DLG2: variants seen among roughly 807,000 people sequenced by gnomAD.
The protein encoded by DLG2 is discs large MAGUK scaffold protein 2.
DLG2 carries 45 observed loss-of-function variants against 132.5 expected under a neutral mutation model. That is an observed-to-expected ratio of 0.34 (90% CI 0.27 to 0.44). The LOEUF (loss-of-function observed/expected upper bound fraction) is 0.44, where lower values mean the gene tolerates loss of function less well. Among genes scored for constraint, DLG2 ranks in the 20% least tolerant of loss-of-function variants. The pLI is 1.00. For synonymous variants in DLG2, 424 were observed against 419.6 expected, an observed-to-expected ratio of 1.01 and a Z score of -0.13; for missense variants, 1,045 against 1,196.9, an observed-to-expected ratio of 0.87 and a Z score of 1.87.
intron 5 of DLG2, among the ~76,000 whole-genome samples, chr11:85,123,690 C>T (rs1376156285): frequency 6.6e-6 from 1 of 152,182 alleles, no homozygotes; most frequent in African/African-American, 2.4e-5. Context: ...TCCAAGAACT[C>T]ATTCATTTAC....
chr11:83,511,031 G>A (rs199906834), intron 21 of DLG2, among the ~76,000 whole-genome samples: 8 of 129,904 alleles, frequency 6.2e-5, no homozygotes, highest in Non-Finnish European at 6.4e-5. Context: ...TACGTTTTGA[G>A]AAAAAAAAAA....
intron 3 of DLG2, among the ~76,000 whole-genome samples, chr11:85,542,510 A>C (rs1161887812): frequency 1.3e-5 from 2 of 152,222 alleles, no homozygotes; most frequent in African/African-American, 4.8e-5. Context: ...CATCTTTTAA[A>C]GTATTAATAG....
intron 15 of DLG2, among the ~76,000 whole-genome samples, chr11:83,909,012 A>G (rs1000607983): frequency 5.9e-5 from 9 of 152,170 alleles, no homozygotes; most frequent in African/African-American, 1.9e-4. Flanking sequence ...GATCACAGGC[A>G]TGAGCTATCA....
rs141739674 is a variant in DLG2 at position 85,603,398 on chromosome 11, T to C, written c.-92-4610A>G. Among the ~76,000 whole-genome samples, 813 of 152,296 alleles carry C rather than the reference T, an allele frequency of 5.3e-3. 9 individuals are homozygous for C. Among genetic ancestry groups the C allele is most frequent in the African/African-American group, 0.018 (754 of 41,546 alleles). ...TACTATACCTCTCTCTCTACTTATA[T>C]GTATCTGTGGGCTCTAATCACGTGA... On this transcript the variant is annotated intron_variant, in intron 2 of 27. Transcript: ENST00000376104.
chr11:84,843,810 G>A (rs951482710), intron 6 of DLG2, among the ~76,000 whole-genome samples: 1 of 151,408 alleles, frequency 6.6e-6, no homozygotes, highest in African/African-American at 2.4e-5. Flanking sequence ...AAATATTTTT[G>A]ATTCACAGCA....
chr11:85,273,006 G>A (rs1464222861), intron 4 of DLG2, among the ~76,000 whole-genome samples: 1 of 152,112 alleles, frequency 6.6e-6, no homozygotes, highest in African/African-American at 2.4e-5. Context: ...AATGGGGAAA[G>A]GATTCCCTAT....
At chr11:83,535,982 A>G (rs193296701) in intron 20 of DLG2, among the ~76,000 whole-genome samples, 23 of 152,322 alleles carry the variant, frequency 1.5e-4, no homozygotes, top group Admixed American at 2.6e-4. Flanking sequence ...GTGTCTGTCC[A>G]CAGCCACTCA....
In DLG2 at chr11:84,777,293, A is replaced by G. The variant is rs1258582107; in HGVS notation, c.358-242562T>C. 6.5e-3 allele frequency among the ~76,000 whole-genome samples: 212 copies of G among 32,708 alleles called. 2 individuals are homozygous for G. Among genetic ancestry groups the G allele is most frequent in the African/African-American group, 0.011 (113 of 10,200 alleles). 21.5% of individuals were successfully genotyped at this position (32,708 alleles called of 152,430 possible). ...TATATGTGTGTGTGTATATATATATATATATATATATATATATATATATAT... is the reference window on the plus strand; with the variant it reads ...TATATGTGTGTGTGTATATATATATGTATATATATATATATATATATATAT... On this transcript the variant is annotated intron_variant, in intron 6 of 27. Transcript: ENST00000376104.
chr11:85,339,135 T>C (rs760011218), intron 3 of DLG2, among the ~76,000 whole-genome samples: 1 of 152,238 alleles, frequency 6.6e-6, no homozygotes, highest in Admixed American at 6.5e-5. Flanking sequence ...GCTTTGCTTT[T>C]TTTATTTGAC....
intron 6 of DLG2, among the ~76,000 whole-genome samples, chr11:84,639,191 T>C (rs2099647706): frequency 6.6e-6 from 1 of 152,190 alleles, no homozygotes. Context: ...TTGGAAAGAG[T>C]TGCTTATTTT....
At chr11:84,024,400 A>AGT (rs2095483954) in intron 11 of DLG2, among the ~76,000 whole-genome samples, 1 of 152,196 alleles carries the variant, frequency 6.6e-6, no homozygotes, top group Non-Finnish European at 1.5e-5. Flanking sequence ...ATGATCCAGC[A>AGT]GTCTCACTTC....
At chr11:85,071,759 C>A (rs2065896835) in intron 6 of DLG2, among the ~76,000 whole-genome samples, 1 of 151,728 alleles carries the variant, frequency 6.6e-6, no homozygotes. Flanking sequence ...ATTTCAAGAG[C>A]AATTTAAATT....
At chr11:83,880,938 TA>T (rs1448160927) in intron 15 of DLG2, among the ~76,000 whole-genome samples, 1 of 152,204 alleles carries the variant, frequency 6.6e-6, no homozygotes, top group African/African-American at 2.4e-5. Context: ...ATTCTTTCTT[TA>T]TGAGATAGTT....
At chr11:85,389,345 A>G (rs1466141238) in intron 3 of DLG2, among the ~76,000 whole-genome samples, 1 of 152,228 alleles carries the variant, frequency 6.6e-6, no homozygotes, top group East Asian at 1.9e-4. Flanking sequence ...AAAGCCTCCA[A>G]GAAGTTTGGG....
intron 18 of DLG2, among the ~76,000 whole-genome samples, chr11:83,655,083 C>A (rs2071940061): frequency 6.6e-6 from 1 of 152,184 alleles, no homozygotes; most frequent in Admixed American, 6.5e-5. Flanking sequence ...TCCCACACAT[C>A]CATCCAGTGC....
chr11:83,602,734 G>T (rs1247457111), intron 19 of DLG2, among the ~76,000 whole-genome samples: 1 of 152,186 alleles, frequency 6.6e-6, no homozygotes, highest in African/African-American at 2.4e-5. Flanking sequence ...TAGTGGTATA[G>T]TGAAGAACAG....
At chr11:83,878,825 C>T (rs2065415633) in intron 15 of DLG2, among the ~76,000 whole-genome samples, 1 of 152,148 alleles carries the variant, frequency 6.6e-6, no homozygotes, top group Non-Finnish European at 1.5e-5. Flanking sequence ...ACCTGTGGCA[C>T]CAATTCCCTA....
intron 6 of DLG2, among the ~76,000 whole-genome samples, chr11:84,999,301 T>C (rs1156833410): frequency 2.6e-5 from 4 of 152,184 alleles, no homozygotes; most frequent in African/African-American, 7.2e-5. Flanking sequence ...TTACTCATTT[T>C]TTATTCTCTG....
At chr11:84,635,522 A>T (rs535564717) in intron 6 of DLG2, among the ~76,000 whole-genome samples, 120 of 152,338 alleles carry the variant, frequency 7.9e-4, no homozygotes, top group African/African-American at 2.7e-3. Context: ...TATTTGAACT[A>T]TAAAAATACA....
Sources: gnomAD v4.1 joint callset for allele counts (sites outside exome capture counted in the v4.1 genomes callset) on GRCh38, gnomAD v4.1.1 for gene constraint, MANE v1.5 for transcripts, NCBI Gene and HGNC (gene_info 2026-07-23, HGNC 2026-07-21) for gene names.